The following RIC1 variants were observed in gnomAD, a reference collection of about 807,000 sequenced individuals.
The protein encoded by RIC1 is guanine nucleotide exchange factor subunit RIC1.
Under a neutral mutation model 169.0 loss-of-function variants are expected in RIC1, and 88 were observed. The observed-to-expected ratio is 0.52, with a 90% CI of 0.44 to 0.62. The LOEUF (loss-of-function observed/expected upper bound fraction) is 0.62, where lower values mean the gene tolerates loss of function less well. Ranked by LOEUF, RIC1 falls within the 20% of genes least tolerant of loss-of-function variation. RIC1 has a pLI of 0.00. For missense variants in RIC1, 1,877 were observed against 1,725.5 expected (o/e 1.09, Z -1.56); for synonymous variants, 790 against 601.5 (o/e 1.31, Z -4.59).
chr9:5,732,400 G>A lies in RIC1; in HGVS notation c.733G>A (p.Val245Ile). The A allele has an allele frequency of 6.2e-7, 1 of 1,608,454 alleles. No individual in the cohort carries two copies. The highest frequency in any genetic ancestry group is 8.5e-7 in the Non-Finnish European group (1 of 1,177,448). Residue 245 changes from valine (V) to isoleucine (I), a missense_variant, in exon 7 of 26, where the codon GTT becomes ATT. Physicochemically the swap from Val to Ile is conservative, Grantham distance 29. Transcript: ENST00000414202. ...TTCTTTATTATAGCAGCTTCATGGA[G>A]TTTGGCCACAAGATGTTGTTGACGG... ...SRFTAEQLHGVWPQDVVDGTC... is the reference protein window; with the variant it reads ...SRFTAEQLHGIWPQDVVDGTC...
chr9:5,697,842 G>C (rs1017147443), intron 3 of RIC1, among the ~76,000 whole-genome samples: 1 of 152,162 alleles, frequency 6.6e-6, no homozygotes, highest in African/African-American at 2.4e-5. Flanking sequence ...TGCTACTGAA[G>C]ATGCTAATGA....
intron 1 of RIC1, among the ~76,000 whole-genome samples, chr9:5,634,864 A>G (rs930897446): frequency 3.3e-5 from 5 of 151,634 alleles, no homozygotes; most frequent in African/African-American, 9.7e-5. Context: ...TAAGTCTTTG[A>G]TCCTTCTTCT....
rs764216994 is a variant in RIC1, at chr9:5,656,684, T to A, written c.246T>A (p.Ala82=). The A allele has an allele frequency of 6.4e-7, 1 of 1,568,370 alleles. No individual in the cohort carries two copies. The highest frequency in any genetic ancestry group is 1.8e-5 in the Admixed American group (1 of 56,662). Residue 82 remains alanine (A), a synonymous_variant, in exon 2 of 26, where the codon GCT becomes GCA. Transcript: ENST00000414202. ...GGAGGCCAGATAGTACCATGATAGC[T>A]GTATCAGTAAGTAGATTTTACCGCT... The part of the protein sequence containing the change: ...AEWRPDSTMI[A]VSTANGYILF...
intron 17 of RIC1, 125 bp from the exon 18 acceptor site, chr9:5,762,416 G>C (rs529944939): frequency 1.7e-6 from 2 of 1,206,382 alleles, no homozygotes; most frequent in Non-Finnish European, 2.3e-6. Flanking sequence ...CAGAATGGCT[G>C]TACATAGTAC....
chr9:5,710,792 A>G (rs1822885526), intron 3 of RIC1, among the ~76,000 whole-genome samples: 1 of 152,194 alleles, frequency 6.6e-6, no homozygotes, highest in African/African-American at 2.4e-5. Flanking sequence ...TGGATGAGAA[A>G]ATTCTCAGAA....
intron 7 of RIC1, among the ~76,000 whole-genome samples, chr9:5,734,275 T>A (rs1193415837): frequency 6.6e-6 from 1 of 151,570 alleles, no homozygotes; most frequent in Non-Finnish European, 1.5e-5. Context: ...CCCGGCTAAT[T>A]TTTGTATTTT....
At chr9:5,698,115 T>C (rs1001012351) in intron 3 of RIC1, among the ~76,000 whole-genome samples, 1 of 152,234 alleles carries the variant, frequency 6.6e-6, no homozygotes, top group Non-Finnish European at 1.5e-5. Flanking sequence ...ATTATTCTTT[T>C]CTTTAGCTGG....
chr9:5,731,809 A>T (rs1824384184), intron 6 of RIC1, among the ~76,000 whole-genome samples: 1 of 152,176 alleles, frequency 6.6e-6, no homozygotes, highest in Admixed American at 6.5e-5. Flanking sequence ...ACGATAAGAA[A>T]ACTGAAGCTT....
At chr9:5,689,148 A>C (rs1410425697) in intron 2 of RIC1, among the ~76,000 whole-genome samples, 1 of 136,374 alleles carries the variant, frequency 7.3e-6, no homozygotes, top group East Asian at 2.2e-4. Context: ...TTCTGGGTTC[A>C]CGCCATTCTC....
intron 2 of RIC1, among the ~76,000 whole-genome samples, chr9:5,678,197 A>C (rs1311069146): frequency 1.3e-5 from 2 of 152,146 alleles, no homozygotes; most frequent in African/African-American, 4.8e-5. Flanking sequence ...TTATGGCTGC[A>C]TAGTATTCCA....
rs1818806831 is a variant in RIC1 at position 5,651,619 on chromosome 9, A to G, written c.145-4964A>G. On this transcript the variant is annotated intron_variant, in intron 1 of 25. Coordinates refer to ENST00000414202, the MANE Select transcript of RIC1 (RefSeq NM_020829.4). ...CACCCTGTCCTTCATTCTTGAGTGC[A>G]GTGGTGTGATCTCAGCTCACTTCAA... 3.9e-5 allele frequency among the ~76,000 whole-genome samples: 5 copies of G among 129,860 alleles called. No homozygotes were observed. In the Admixed American group the frequency reaches 4.7e-4, roughly 12 times the overall value. The allele number at this position is 129,860 out of a possible 152,430, so 85.2% of individuals were successfully genotyped here. A position where few individuals can be genotyped will look rare whatever the true frequency, so the allele number is the denominator to read the frequency against.
Position 5,713,880 on chromosome 9 carries a change from A to T in RIC1, c.333-16A>T. 6.3e-7 allele frequency: 1 copy of T among 1,576,360 alleles called. No individual in the cohort carries two copies. Among genetic ancestry groups the T allele is most frequent in the South Asian group, 1.1e-5 (1 of 90,056 alleles). On this transcript the variant is annotated splice_polypyrimidine_tract_variant and intron_variant, in intron 3 of 25. Transcript: ENST00000414202. ...AAATTCAGCATCTTTCTTTAACTCTATGCTGTTTGTTTTAGAGGAAGTCCA... is the reference window on the plus strand; with the variant it reads ...AAATTCAGCATCTTTCTTTAACTCTTTGCTGTTTGTTTTAGAGGAAGTCCA...
Position 5,776,257 on chromosome 9 carries a change from T to G in RIC1, c.*2011T>G, listed in dbSNP as rs921270291. Reference sequence around the variant, plus strand: ...CCCCCAGGCAAGAAGTTTGGCAGGTTTACAGAAAATTTGGTAATTTATTTG... The same window carrying G: ...CCCCCAGGCAAGAAGTTTGGCAGGTGTACAGAAAATTTGGTAATTTATTTG... On this transcript the variant is annotated 3_prime_UTR_variant, in exon 26 of 26. Coordinates refer to ENST00000414202, the MANE Select transcript of RIC1 (RefSeq NM_020829.4). 7.2e-5 allele frequency: 11 copies of G among 152,154 alleles called. No individual in the cohort carries two copies. The highest frequency in any genetic ancestry group is 2.7e-4 in the African/African-American group (11 of 41,456). 9.4% of individuals were successfully genotyped at this position (152,154 alleles called of 1,614,324 possible). A position where few individuals can be genotyped will look rare whatever the true frequency, so the allele number is the denominator to read the frequency against.
At chr9:5,773,330 T>C (rs1827358304) in intron 25 of RIC1, 2 of 175,340 alleles carry the variant, frequency 1.1e-5, no homozygotes, top group South Asian at 3.9e-4. Flanking sequence ...TGTATATCAC[T>C]GACTTAAGAT....
chr9:5,755,694 G>C (rs184943050), intron 15 of RIC1, among the ~76,000 whole-genome samples: 1 of 152,128 alleles, frequency 6.6e-6, no homozygotes. Context: ...AGGCTAAGGC[G>C]GGTGGATCAC....
intron 12 of RIC1, among the ~76,000 whole-genome samples, 158 bp downstream of exon 12, chr9:5,747,663 A>G (rs1332114937): frequency 1.3e-5 from 2 of 152,304 alleles, no homozygotes; most frequent in East Asian, 3.9e-4. Context: ...CTTGTCCTCT[A>G]GTCTTCTCCC....
intron 1 of RIC1, among the ~76,000 whole-genome samples, chr9:5,635,792 T>C (rs1817944695): frequency 6.6e-6 from 1 of 152,194 alleles, no homozygotes. Flanking sequence ...GTTTGACTGT[T>C]CCTTCTACAC....
Position 5,774,443 on chromosome 9 carries a change from TAAAA to T in RIC1, c.*201_*204del, listed in dbSNP as rs1166799358. Reference sequence around the variant, plus strand: ...AAAATGTGATATAAAGCATCTTTCATAAAAAAATTTTAAGCTGCAGTGAAAAGTA... The same window carrying T: ...AAAATGTGATATAAAGCATCTTTCATAAATTTTAAGCTGCAGTGAAAAGTA... On this transcript the variant is annotated 3_prime_UTR_variant, in exon 26 of 26. Transcript: ENST00000414202. 2.1e-6 allele frequency: 1 copy of T among 474,016 alleles called. No individual in the cohort carries two copies. Among genetic ancestry groups the T allele is most frequent in the Non-Finnish European group, 3.6e-6 (1 of 279,728 alleles). 29.4% of individuals were successfully genotyped at this position (474,016 alleles called of 1,614,324 possible).
chr9:5,737,979 G>A (rs766798818), intron 7 of RIC1, among the ~76,000 whole-genome samples: 13 of 151,964 alleles, frequency 8.6e-5, no homozygotes, highest in Non-Finnish European at 1.3e-4. Context: ...TGTCAGGTGT[G>A]GCAGAGGCAG....
Sources: gnomAD v4.1 joint callset for allele counts (sites outside exome capture counted in the v4.1 genomes callset) on GRCh38, gnomAD v4.1.1 for gene constraint, MANE v1.5 for transcripts, NCBI Gene and HGNC (gene_info 2026-07-23, HGNC 2026-07-21) for gene names.